NFIB: variants seen among roughly 807,000 people sequenced by gnomAD.
NFIB encodes nuclear factor 1 B-type.
A neutral mutation model predicts 61.5 loss-of-function variants in NFIB; 11 were observed. The observed-to-expected ratio is 0.18, with a 90% confidence interval of 0.11 to 0.30. The LOEUF is 0.30. Ranked by LOEUF, NFIB falls within the 10% of genes least tolerant of loss-of-function variation. The pLI, the probability that NFIB is intolerant of heterozygous loss-of-function variation, is 1.00. For synonymous variants in NFIB, 260 were observed against 216.5 expected (o/e 1.20, Z -1.76); for missense variants, 471 against 608.9 (o/e 0.77, Z 2.38).
chr9:14,380,856 A>C (rs1024249860), intron 1 of NFIB, among the ~76,000 whole-genome samples: 2 of 152,004 alleles, frequency 1.3e-5, no homozygotes, highest in Non-Finnish European at 2.9e-5. Context: ...AGGGATTCGA[A>C]CTAAAGGTGG....
At chr9:14,119,572 C>T (rs529685968) in intron 8 of NFIB, among the ~76,000 whole-genome samples, 17 of 152,054 alleles carry the variant, frequency 1.1e-4, no homozygotes, top group African/African-American at 4.1e-4. Flanking sequence ...AATGTTCCAC[C>T]GTAGTAATGA....
At chr9:14,327,872 G>T (rs933352989) in intron 1 of NFIB, among the ~76,000 whole-genome samples, 1 of 152,214 alleles carries the variant, frequency 6.6e-6, no homozygotes, top group South Asian at 2.1e-4. Context: ...AACAAACAAA[G>T]TTGGGAAAAT....
chr9:14,296,861 A>G (rs189995557), intron 2 of NFIB, among the ~76,000 whole-genome samples: 1 of 152,380 alleles, frequency 6.6e-6, no homozygotes, highest in East Asian at 1.9e-4. Flanking sequence ...GCAATTCAAA[A>G]TTCAAAGGAT....
At chr9:14,336,012 C>G (rs2132860559) in intron 1 of NFIB, among the ~76,000 whole-genome samples, 1 of 152,286 alleles carries the variant, frequency 6.6e-6, no homozygotes, top group African/African-American at 2.4e-5. Flanking sequence ...TTTTTCTATT[C>G]TGTTTCATTG....
chr9:14,244,938 C>CG (rs2054745417), intron 2 of NFIB, among the ~76,000 whole-genome samples: 1 of 152,120 alleles, frequency 6.6e-6, no homozygotes, highest in Non-Finnish European at 1.5e-5. Context: ...TTGGGGTGTC[C>CG]GGATTCTCCT....
chr9:14,505,924 T>A, the NFIB span, among the ~76,000 whole-genome samples: 1 of 152,210 alleles, frequency 6.6e-6, no homozygotes, highest in Admixed American at 6.5e-5. Flanking sequence ...AATGATGTAT[T>A]TTTTGAGCCA....
chr9:14,476,702 A>C, the NFIB span, among the ~76,000 whole-genome samples: 2 of 152,208 alleles, frequency 1.3e-5, no homozygotes, highest in Admixed American at 6.5e-5. Flanking sequence ...TTTCAAATAA[A>C]AAAACCAACA....
the NFIB span, among the ~76,000 whole-genome samples, chr9:14,460,228 T>A: frequency 6.6e-6 from 1 of 152,082 alleles, no homozygotes; most frequent in African/African-American, 2.4e-5. Context: ...GGGACATGGA[T>A]GAAGCTGGAA....
At chr9:14,090,278 T>A (rs537387841) in intron 10 of NFIB, among the ~76,000 whole-genome samples, 1 of 152,248 alleles carries the variant, frequency 6.6e-6, no homozygotes, top group East Asian at 1.9e-4. Context: ...TCGTAACTCT[T>A]AAGAATACTT....
intron 1 of NFIB, among the ~76,000 whole-genome samples, chr9:14,365,281 T>G (rs2061287414): frequency 6.6e-6 from 1 of 152,224 alleles, no homozygotes; most frequent in African/African-American, 2.4e-5. Context: ...ACATTTTATT[T>G]GTTTCCTGCT....
At chr9:14,294,902 G>A (rs751952728) in intron 2 of NFIB, among the ~76,000 whole-genome samples, 2 of 152,162 alleles carry the variant, frequency 1.3e-5, no homozygotes, top group African/African-American at 2.4e-5. Context: ...AAAGTGAGGG[G>A]TGCAGTTCAG....
chr9:14,448,803 C>T, the NFIB span, among the ~76,000 whole-genome samples: 2 of 152,098 alleles, frequency 1.3e-5, no homozygotes, highest in Admixed American at 6.6e-5. Flanking sequence ...ATCTAATACT[C>T]GACGTTAAGA....
At chr9:14,330,315 C>T (rs1330366114) in intron 1 of NFIB, among the ~76,000 whole-genome samples, 2 of 152,100 alleles carry the variant, frequency 1.3e-5, no homozygotes, top group Admixed American at 1.3e-4. Context: ...TGATCATGTG[C>T]TAAGACCCTA....
At chr9:14,304,868 T>C (rs1047132368) in intron 2 of NFIB, among the ~76,000 whole-genome samples, 2 of 152,120 alleles carry the variant, frequency 1.3e-5, no homozygotes, top group African/African-American at 2.4e-5. Context: ...GAAGAATATA[T>C]AAATTTTGAA....
the NFIB span, among the ~76,000 whole-genome samples, chr9:14,411,451 A>T: frequency 3.3e-5 from 5 of 152,252 alleles, no homozygotes; most frequent in East Asian, 9.7e-4. Context: ...TTCTCATCCC[A>T]CTTTCCTCCT....
intron 10 of NFIB, among the ~76,000 whole-genome samples, chr9:14,109,254 T>C (rs2036999463): frequency 6.6e-6 from 1 of 152,254 alleles, no homozygotes; most frequent in East Asian, 1.9e-4. Context: ...CTCTGATTGA[T>C]AGTTCCCATT....
chr9:14,322,094 AAAAAAAAAGC>A (rs2060675291), intron 1 of NFIB: 1 of 1,115,218 alleles, frequency 9.0e-7, no homozygotes, highest in South Asian at 4.6e-5. Context: ...AAAAAAAAAA[AAAAAAAAAGC>A]AATCCGGGAG....
At chr9:14,352,511 GGC>G (rs1443521709) in intron 1 of NFIB, among the ~76,000 whole-genome samples, 1 of 152,200 alleles carries the variant, frequency 6.6e-6, no homozygotes, top group Non-Finnish European at 1.5e-5. Context: ...GCCCCTGCCT[GGC>G]TCCTGAGACC....
chr9:14,427,088 T>G, the NFIB span, among the ~76,000 whole-genome samples: 1 of 152,180 alleles, frequency 6.6e-6, no homozygotes, highest in Non-Finnish European at 1.5e-5. Flanking sequence ...TAAATGCATA[T>G]GTGTACTCTT....
Sources: gnomAD v4.1 joint callset for allele counts (sites outside exome capture counted in the v4.1 genomes callset) on GRCh38, gnomAD v4.1.1 for gene constraint, MANE v1.5 for transcripts, NCBI Gene and HGNC (gene_info 2026-07-23, HGNC 2026-07-21) for gene names.